USP53: variants seen among roughly 807,000 people sequenced by gnomAD.
The protein encoded by USP53 is ubiquitin specific peptidase 53.
In USP53, 71 loss-of-function variants were observed where a neutral mutation model predicts 94.9. The observed-to-expected ratio is 0.75, with a 90% CI of 0.62 to 0.91. USP53 has a LOEUF of 0.91. USP53 is among the 40% of genes least tolerant of loss of function. USP53 has a pLI of 0.00. For missense variants in USP53, 1,173 were observed against 1,281.0 expected, an observed-to-expected ratio of 0.92 and a Z score of 1.29; for synonymous variants, 375 against 422.7, an observed-to-expected ratio of 0.89 and a Z score of 1.39.
In USP53 at chr4:119,234,106, C is replaced by G. The variant is rs1409740223; in HGVS notation, c.-664-1184C>G. On this transcript the variant is annotated intron_variant, in intron 3 of 18. Coordinates refer to ENST00000692078, the MANE Select transcript of USP53 (RefSeq NM_001371395.1). Reference sequence around the variant, plus strand: ...TACCATTTCCCAAACTGTTTGTGCTCTGGTGCTTTCCTGATATAATAATCT... The same window carrying G: ...TACCATTTCCCAAACTGTTTGTGCTGTGGTGCTTTCCTGATATAATAATCT... Among the ~76,000 whole-genome samples the G allele has an allele frequency of 2.0e-5, 3 of 152,170 alleles. No homozygotes were observed. In the East Asian group the frequency reaches 5.8e-4, roughly 29 times the overall value.
At chr4:119,220,410 T>A (rs1003219450) in intron 3 of USP53, 9 of 152,318 alleles carry the variant, frequency 5.9e-5, no homozygotes, top group African/African-American at 2.2e-4. Flanking sequence ...CTTATTTACA[T>A]TGGAGTTAAA....
chr4:119,290,208 G>C (rs1378114015), intron 17 of USP53, among the ~76,000 whole-genome samples: 9 of 152,124 alleles, frequency 5.9e-5, no homozygotes, highest in Non-Finnish European at 1.3e-4. Flanking sequence ...ATTAGAGAGA[G>C]AGAAAAAATG....
intron 8 of USP53, 24 bp from the exon 9 acceptor site, chr4:119,256,417 A>T (rs536417396): frequency 1.2e-6 from 2 of 1,613,682 alleles, no homozygotes; most frequent in Admixed American, 1.7e-5. Flanking sequence ...TTGATAGATT[A>T]AACATATGTT....
intron 3 of USP53, among the ~76,000 whole-genome samples, chr4:119,227,152 A>C (rs1745361240): frequency 6.6e-6 from 1 of 152,078 alleles, no homozygotes; most frequent in African/African-American, 2.4e-5. Flanking sequence ...AATTTTTGAC[A>C]AAGTATTCCA....
intron 17 of USP53, among the ~76,000 whole-genome samples, chr4:119,285,309 G>A (rs1011477051): frequency 1.3e-5 from 2 of 151,692 alleles, no homozygotes; most frequent in Non-Finnish European, 3.0e-5. Flanking sequence ...TATGAGGTAC[G>A]GTTATCTACT....
At position 119,251,855 on chromosome 4, in the gene USP53, T is replaced by C. The variant is rs577392849; in HGVS notation, c.372+2973T>C. 3.9e-5 allele frequency among the ~76,000 whole-genome samples: 6 copies of C among 152,354 alleles called. 1 individual carries two copies. The South Asian group carries it at 1.2e-3, about 32-fold the overall frequency. On this transcript the variant is annotated intron_variant, in intron 7 of 18. Transcript: ENST00000692078. ...TCCAGTTTTTGTCCATTCAGTATAA[T>C]ATTGGCTGTGAGTTTGTCATAAATC...
chr4:119,235,057 C>T (rs1746549017), intron 3 of USP53, among the ~76,000 whole-genome samples: 1 of 152,194 alleles, frequency 6.6e-6, no homozygotes, highest in Admixed American at 6.5e-5. Flanking sequence ...AACCATGAAT[C>T]AGAGATGACA....
Position 119,271,519 on chromosome 4 carries a change from C to T in USP53, c.1659C>T (p.Asp553=). Residue 553 remains aspartate, a synonymous_variant, in exon 16 of 19, where the codon GAC becomes GAT. Coordinates refer to ENST00000692078, the MANE Select transcript of USP53 (RefSeq NM_001371395.1). ...GEKITGKVKS[D]NGTGYDTDSS... is the part of the protein sequence containing the mutation. ...AAATAACTGGCAAAGTTAAGAGTGA[C>T]AATGGCACTGGATATGACACAGACA... The T allele has an allele frequency of 1.2e-6, 2 of 1,613,480 alleles. No homozygotes were observed. Among genetic ancestry groups the T allele is most frequent in the Non-Finnish European group, 1.7e-6 (2 of 1,179,966 alleles).
intron 3 of USP53, among the ~76,000 whole-genome samples, chr4:119,221,663 C>G (rs565875647): frequency 2.0e-5 from 3 of 151,990 alleles, no homozygotes; most frequent in Non-Finnish European, 2.9e-5. Flanking sequence ...CTTGAGCCTT[C>G]GAGGAGAATA....
At chr4:119,252,411 A>G (rs1010793779) in intron 7 of USP53, among the ~76,000 whole-genome samples, 1 of 151,874 alleles carries the variant, frequency 6.6e-6, no homozygotes, top group Non-Finnish European at 1.5e-5. Context: ...CAATTTCAGA[A>G]CCTGTTATTG....
At chr4:119,262,179 ATATT>A (rs1750596139) in intron 12 of USP53, among the ~76,000 whole-genome samples, 1 of 152,198 alleles carries the variant, frequency 6.6e-6, no homozygotes, top group African/African-American at 2.4e-5. Flanking sequence ...CATACTTGCT[ATATT>A]TACTTTTTTG....
intron 7 of USP53, among the ~76,000 whole-genome samples, chr4:119,251,639 A>C (rs1749022398): frequency 2.0e-5 from 3 of 152,188 alleles, no homozygotes; most frequent in South Asian, 4.1e-4. Context: ...AGACAATTTG[A>C]CTTCGTCTCT....
At chr4:119,234,579 A>G (rs1305827589) in intron 3 of USP53, among the ~76,000 whole-genome samples, 1 of 152,250 alleles carries the variant, frequency 6.6e-6, no homozygotes, top group Non-Finnish European at 1.5e-5. Context: ...AAGTTTATTG[A>G]AAATATTATT....
rs774862264 is a variant in USP53 at position 119,293,166 on chromosome 4, C to G, written c.3177C>G (p.Leu1059=). 4 of 1,611,488 alleles carry G rather than the reference C, an allele frequency of 2.5e-6. No individual in the cohort carries two copies. The highest frequency in any genetic ancestry group is 2.2e-5 in the East Asian group (1 of 44,872). ...YRLKYHQRPK[L]SFPESSGFCN... The stretch of plus-strand genomic sequence containing the variant: ...TGAAATACCATCAGAGGCCCAAGCT[C>G]TCTTTTCCAGAGAGCAGTGGCTTTT... The change falls in exon 19 of 19, where the codon CTC becomes CTG. Residue 1059 remains leucine, a synonymous_variant. Transcript: ENST00000692078.
intron 5 of USP53, among the ~76,000 whole-genome samples, chr4:119,243,805 A>G (rs1283384118): frequency 6.6e-6 from 1 of 152,196 alleles, no homozygotes; most frequent in Non-Finnish European, 1.5e-5. Context: ...AAACAGTACA[A>G]TTAGGTATAA....
intron 15 of USP53, 93 bp from the exon 16 acceptor site, chr4:119,271,203 C>CT (rs1056886933): frequency 8.1e-6 from 12 of 1,484,054 alleles, no homozygotes; most frequent in Non-Finnish European, 1.1e-5. Flanking sequence ...ACCTAAAACT[C>CT]TTTAACATTT....
In USP53 at chr4:119,217,669, A is replaced by G. The variant is rs1134065; in HGVS notation, c.-669A>G. 52,960 of 152,040 alleles carry G rather than the reference A, an allele frequency of 0.35. 9,368 individuals are homozygous for G. The highest frequency in any genetic ancestry group is 0.39 in the African/African-American group (16,305 of 41,452). The allele number at this position is 152,040 out of a possible 1,614,324, so 9.4% of individuals were successfully genotyped here. On this transcript the variant is annotated 5_prime_UTR_variant, in exon 3 of 19. Coordinates refer to ENST00000692078, the MANE Select transcript of USP53 (RefSeq NM_001371395.1). ...TGCCAAGGAGGAATGAAAAAGTAGA[A>G]CAAGGTAAGAGGAATTTGGAAAGCG...
intron 4 of USP53, among the ~76,000 whole-genome samples, chr4:119,238,531 A>G (rs1431247383): frequency 6.6e-6 from 1 of 152,240 alleles, no homozygotes; most frequent in Admixed American, 6.5e-5. Flanking sequence ...AGTAATAATG[A>G]AAAAGAATTA....
At position 119,275,795 on chromosome 4, in the gene USP53, T is replaced by C. The variant is rs1038438879; in HGVS notation, c.2251+2087T>C. Among the ~76,000 whole-genome samples, 79 of 152,302 alleles carry C rather than the reference T, an allele frequency of 5.2e-4. No homozygotes were observed. In the East Asian group the frequency reaches 0.01, roughly 20 times the overall value. ...TCCTTGAGCAGCGGTTTGTAGTTCT[T>C]CTTGAAGAGGTCCTTCACATCCCTT... On this transcript the variant is annotated intron_variant, in intron 17 of 18. Coordinates refer to ENST00000692078, the MANE Select transcript of USP53 (RefSeq NM_001371395.1).
Sources: gnomAD v4.1 joint callset for allele counts (sites outside exome capture counted in the v4.1 genomes callset) on GRCh38, gnomAD v4.1.1 for gene constraint, MANE v1.5 for transcripts, NCBI Gene and HGNC (gene_info 2026-07-23, HGNC 2026-07-21) for gene names.